The following ESR2 variants were observed in gnomAD, a reference collection of about 807,000 sequenced individuals.
ESR2 encodes the protein estrogen receptor 2, also known as estrogen receptor beta.
Under a neutral mutation model 49.6 loss-of-function variants are expected in ESR2, and 36 were observed. The ratio of observed to expected loss-of-function variants is 0.73; its 90% confidence interval spans 0.56 to 0.96. The LOEUF is 0.96. ESR2 is among the 40% of genes least tolerant of loss of function. ESR2 has a pLI of 0.00. For missense variants in ESR2, 714 were observed against 693.0 expected (o/e 1.03, Z -0.34); for synonymous variants, 320 against 266.1 (o/e 1.20, Z -1.97).
At chr14:64,293,916 T>C (rs1234696677) in intron 1 of ESR2, 117 bp downstream of exon 1, 2 of 152,230 alleles carry the variant, frequency 1.3e-5, no homozygotes, top group Non-Finnish European at 1.5e-5. Flanking sequence ...TTCAGGACAG[T>C]TGGTTTTGGT....
chr14:64,337,073 T>C (rs766094913), intron 1 of ESR2, among the ~76,000 whole-genome samples: 7 of 152,242 alleles, frequency 4.6e-5, no homozygotes, highest in Admixed American at 6.5e-5. Flanking sequence ...ATAATATCTC[T>C]AGCACCTATA....
At chr14:64,303,545 C>T (rs2077053970) in intron 1 of ESR2, 1 of 152,152 alleles carries the variant, frequency 6.6e-6, no homozygotes. Flanking sequence ...AACCTCCAGT[C>T]CTGGATAGCG....
chr14:64,245,276 G>C (rs1361830029), intron 7 of ESR2, among the ~76,000 whole-genome samples: 1 of 152,124 alleles, frequency 6.6e-6, no homozygotes, highest in East Asian at 1.9e-4. Context: ...CACTTTGGGA[G>C]GCCGAGGCAA....
chr14:64,299,359 A>G (rs141479292), upstream of ESR2, among the ~76,000 whole-genome samples: 37 of 151,744 alleles, frequency 2.4e-4, no homozygotes, highest in East Asian at 6.0e-3. Context: ...CTTTAGACCC[A>G]TAGCAACTAA....
At position 64,262,128 on chromosome 14, in the gene ESR2, T is replaced by TA. The variant is rs1555577532; in HGVS notation, c.653-1381dup. 4.6e-3 allele frequency among the ~76,000 whole-genome samples: 663 copies of TA among 145,526 alleles called. 4 individuals are homozygous for TA. Among genetic ancestry groups the TA allele is most frequent in the African/African-American group, 0.012 (463 of 39,398 alleles). Reference sequence around the variant, plus strand: ...GGATTTACTTTTTTTTTTTTTTTTTTAAGAGACAAGGTCTCTGTCACCCAG... The same window carrying TA: ...GGATTTACTTTTTTTTTTTTTTTTTTAAAGAGACAAGGTCTCTGTCACCCAG... On this transcript the variant is annotated intron_variant, in intron 4 of 8. Coordinates refer to ENST00000341099, the MANE Select transcript of ESR2 (RefSeq NM_001437.3).
chr14:64,249,883 C>A (rs2075955602), intron 6 of ESR2, among the ~76,000 whole-genome samples: 1 of 152,104 alleles, frequency 6.6e-6, no homozygotes, highest in Non-Finnish European at 1.5e-5. Context: ...AGAAGATAGG[C>A]CATTTCCTAT....
downstream of ESR2, chr14:64,227,938 G>A (rs760354788): frequency 1.9e-6 from 3 of 1,594,966 alleles, no homozygotes; most frequent in Admixed American, 1.7e-5. Context: ...ATCTGTAAAG[G>A]ATATAATTCT....
intron 1 of ESR2, among the ~76,000 whole-genome samples, chr14:64,325,391 G>A (rs1596495813): frequency 2.6e-5 from 4 of 152,120 alleles, no homozygotes; most frequent in Admixed American, 2.6e-4. Context: ...AGGAAAAAGA[G>A]GAAGGGAAGA....
chr14:64,317,052 G>C (rs1009234547), intron 1 of ESR2, among the ~76,000 whole-genome samples: 4 of 152,072 alleles, frequency 2.6e-5, no homozygotes, highest in South Asian at 4.1e-4. Context: ...ATCACTTGAG[G>C]TCAGGAGTTC....
chr14:64,289,257 A>T (rs1199887981), intron 1 of ESR2, among the ~76,000 whole-genome samples: 2 of 152,112 alleles, frequency 1.3e-5, no homozygotes, highest in Non-Finnish European at 1.5e-5. Flanking sequence ...TCACGCCTGT[A>T]ACCCCAGCAC....
intron 1 of ESR2, among the ~76,000 whole-genome samples, chr14:64,303,000 A>C (rs1214851295): frequency 6.6e-6 from 1 of 152,058 alleles, no homozygotes; most frequent in African/African-American, 2.4e-5. Context: ...GGGTTTCACT[A>C]TGTTGGCCAG....
At chr14:64,286,466 A>C (rs2076787043) in intron 1 of ESR2, among the ~76,000 whole-genome samples, 1 of 151,752 alleles carries the variant, frequency 6.6e-6, no homozygotes, top group South Asian at 2.1e-4. Flanking sequence ...ATGCCCAGCT[A>C]ATTTTTTGTA....
intron 4 of ESR2, among the ~76,000 whole-genome samples, chr14:64,264,243 G>A (rs2076278064): frequency 2.0e-5 from 3 of 152,204 alleles, no homozygotes; most frequent in African/African-American, 4.8e-5. Context: ...GAAAATGTGA[G>A]CAAATTTAAA....
chr14:64,323,549 G>T (rs2077351088), intron 1 of ESR2, among the ~76,000 whole-genome samples: 1 of 152,020 alleles, frequency 6.6e-6, no homozygotes, highest in Non-Finnish European at 1.5e-5. Context: ...CTTAATAAAG[G>T]ATTATTTTTA....
chr14:64,276,741 A>G (rs2076565365), intron 3 of ESR2, among the ~76,000 whole-genome samples: 1 of 152,252 alleles, frequency 6.6e-6, no homozygotes, highest in Admixed American at 6.5e-5. Context: ...TCTGATCATA[A>G]GATAGAATAT....
chr14:64,261,578 T>C (rs1236790013), intron 4 of ESR2, among the ~76,000 whole-genome samples: 3 of 150,316 alleles, frequency 2.0e-5, no homozygotes, highest in Admixed American at 2.0e-4. Flanking sequence ...CCACCATGCC[T>C]GGCTAATTTT....
chr14:64,259,333 C>T (rs1051197215), intron 5 of ESR2, among the ~76,000 whole-genome samples: 8 of 152,204 alleles, frequency 5.3e-5, no homozygotes, highest in Admixed American at 4.6e-4. Flanking sequence ...CTTCTCTTCC[C>T]CCAGCTTCTC....
At chr14:64,307,559 G>C (rs978846292) in intron 1 of ESR2, among the ~76,000 whole-genome samples, 1 of 151,448 alleles carries the variant, frequency 6.6e-6, no homozygotes, top group Non-Finnish European at 1.5e-5. Flanking sequence ...TTTTGAGACA[G>C]AGTCTCATTC....
intron 4 of ESR2, among the ~76,000 whole-genome samples, chr14:64,267,428 G>A (rs2076354700): frequency 6.6e-6 from 1 of 152,154 alleles, no homozygotes. Flanking sequence ...CAGAGGAAAT[G>A]AAGATCATCA....
Sources: gnomAD v4.1 joint callset for allele counts (sites outside exome capture counted in the v4.1 genomes callset) on GRCh38, gnomAD v4.1.1 for gene constraint, MANE v1.5 for transcripts, NCBI Gene and HGNC (gene_info 2026-07-23, HGNC 2026-07-21) for gene names.